STK3: variants seen among roughly 807,000 people sequenced by gnomAD.
STK3 encodes serine/threonine-protein kinase 3.
STK3 carries 41 observed loss-of-function variants against 58.0 expected under a neutral mutation model. The ratio of observed to expected loss-of-function variants is 0.71; its 90% confidence interval spans 0.55 to 0.92. The LOEUF (loss-of-function observed/expected upper bound fraction) is 0.92. STK3 is among the 40% of genes least tolerant of loss of function. The probability of loss-of-function intolerance (pLI) is 0.00; values close to 1 mark genes in which losing one functional copy is unlikely to be tolerated. For synonymous variants in STK3, 170 were observed against 191.0 expected (o/e 0.89, Z 0.91); for missense variants, 479 against 602.7 (o/e 0.79, Z 2.15).
At chr8:98,847,678 C>G (rs951415927) in intron 3 of STK3, among the ~76,000 whole-genome samples, 1 of 152,116 alleles carries the variant, frequency 6.6e-6, no homozygotes, top group African/African-American at 2.4e-5. Flanking sequence ...AAGCTTCTAC[C>G]ACAGCCAGGA....
rs6987458 is a variant in STK3 at position 98,377,980 on chromosome 8, T to G, written n.111+1173A>C. ...GACATAAGAGTAGAGGCTCTGCCCC[T>G]ACCTGCCAGGTGCCCAGTTGACTTC... On this transcript the variant is annotated intron_variant and non_coding_transcript_variant, in intron 2 of 2. Coordinates refer to the STK3 transcript ENST00000518704. Among the ~76,000 whole-genome samples the G allele has an allele frequency of 2.0e-5, 3 of 152,076 alleles. No individual in the cohort carries two copies. In the South Asian group the frequency reaches 6.2e-4, roughly 32 times the overall value.
rs140596609 is a variant in STK3, at chr8:98,417,175, G to T, written n.484-15662C>A. 2.0e-5 allele frequency among the ~76,000 whole-genome samples: 3 copies of T among 152,206 alleles called. No individual in the cohort carries two copies. The South Asian group carries it at 6.2e-4, about 32-fold the overall frequency. On this transcript the variant is annotated intron_variant and non_coding_transcript_variant, in intron 3 of 3. Coordinates refer to the STK3 transcript ENST00000517832. The stretch of plus-strand genomic sequence containing the variant: ...CAGGGAAACTTCCAGAATCCCAGGG[G>T]TGGGGGAGTGGAAGGCTGTAGAGAA...
At chr8:98,793,945 CT>C (rs1442957332) in intron 1 of STK3, among the ~76,000 whole-genome samples, 1 of 152,118 alleles carries the variant, frequency 6.6e-6, no homozygotes, top group Non-Finnish European at 1.5e-5. Flanking sequence ...TCCTGAATGA[CT>C]TTTGGGTAAA....
chr8:98,464,062 A>G (rs1044647141), intron 10 of STK3, among the ~76,000 whole-genome samples: 2 of 152,168 alleles, frequency 1.3e-5, no homozygotes, highest in Non-Finnish European at 2.9e-5. Flanking sequence ...TGCAGATGCT[A>G]CAGACCTTAT....
chr8:98,887,870 A>T (rs1158598024), intron 1 of STK3, among the ~76,000 whole-genome samples: 1 of 152,224 alleles, frequency 6.6e-6, no homozygotes. Context: ...TATGGAGAAC[A>T]CATGGCTCGA....
At position 98,525,923 on chromosome 8, in the gene STK3, T is replaced by A. The variant is rs1196786965; in HGVS notation, c.1317+819A>T. 2.0e-5 allele frequency among the ~76,000 whole-genome samples: 3 copies of A among 151,886 alleles called. No homozygotes were observed. In the East Asian group the frequency reaches 5.8e-4, roughly 29 times the overall value. ...ATATTTATATTTATCTAAAATTGTA[T>A]TTACTTATCCATACGTTTATTAATA... On this transcript the variant is annotated intron_variant, in intron 10 of 10. Coordinates refer to ENST00000419617, the MANE Select transcript of STK3 (RefSeq NM_006281.4).
chr8:98,382,704 G>A (rs775864038), intron 1 of STK3, among the ~76,000 whole-genome samples: 1 of 152,116 alleles, frequency 6.6e-6, no homozygotes, highest in Non-Finnish European at 1.5e-5. Context: ...CCTGGAAAGC[G>A]GCCTGACAGC....
At chr8:98,839,210 C>T (rs140664372) in intron 3 of STK3, among the ~76,000 whole-genome samples, 2,680 of 152,050 alleles carry the variant, frequency 0.018, 23 homozygotes, top group African/African-American at 0.033. Context: ...CTAGGCCTGA[C>T]GAATTTTTAC....
At chr8:98,368,352 T>C (rs923986701), downstream of STK3, among the ~76,000 whole-genome samples, 3 of 152,116 alleles carry the variant, frequency 2.0e-5, no homozygotes, top group Admixed American at 2.0e-4. Context: ...TTCTCAAAAG[T>C]GGGTGGGGAT....
chr8:98,718,050 G>A (rs1827147639), intron 4 of STK3, among the ~76,000 whole-genome samples: 1 of 152,156 alleles, frequency 6.6e-6, no homozygotes, highest in Non-Finnish European at 1.5e-5. Flanking sequence ...AGGGGCCGAG[G>A]TAGCACACAA....
rs1821517039 is a variant in STK3 at position 98,656,322 on chromosome 8, C to A, written c.684+50145G>T. 2.0e-5 allele frequency among the ~76,000 whole-genome samples: 3 copies of A among 151,226 alleles called. No homozygotes were observed. The South Asian group carries it at 6.3e-4, about 32-fold the overall frequency. On this transcript the variant is annotated intron_variant, in intron 6 of 10. Transcript: ENST00000419617. ...GACACAGGAAGGGGAACATCACACT[C>A]TGGGGACTGTTGTGGGGTGGGAGGT...
At chr8:98,815,725 C>A (rs1834502590) in intron 1 of STK3, among the ~76,000 whole-genome samples, 2 of 152,178 alleles carry the variant, frequency 1.3e-5, no homozygotes, top group African/African-American at 4.8e-5. Context: ...AATTCGTTAT[C>A]TTGAAAACTT....
chr8:98,698,769 C>T lies in STK3; in HGVS notation c.684+7698G>A, dbSNP rs1222628435. Among the ~76,000 whole-genome samples the T allele has an allele frequency of 3.9e-3, 598 of 152,110 alleles. 7 individuals are homozygous for T. Among genetic ancestry groups the T allele is most frequent in the African/African-American group, 0.014 (563 of 41,474 alleles). On this transcript the variant is annotated intron_variant, in intron 6 of 10. Coordinates refer to ENST00000419617, the MANE Select transcript of STK3 (RefSeq NM_006281.4). ...GATGGGCTTCCCTTTGTGGGTAACC[C>T]GACCTTTCTCTCTGGCTGCCCTTAA... is the stretch of plus-strand genomic sequence containing the variant.
chr8:98,346,081 T>A, the STK3 span, among the ~76,000 whole-genome samples: 5 of 151,740 alleles, frequency 3.3e-5, no homozygotes, highest in Non-Finnish European at 7.4e-5. Context: ...AGGTGAGGAG[T>A]TCAAGACCAG....
At chr8:98,529,144 C>A (rs544747387) in intron 9 of STK3, among the ~76,000 whole-genome samples, 5 of 152,144 alleles carry the variant, frequency 3.3e-5, no homozygotes, top group Non-Finnish European at 7.3e-5. Context: ...TTGGGACGAG[C>A]TTTAAGGTCA....
intron 1 of STK3, among the ~76,000 whole-genome samples, chr8:98,926,740 C>T (rs1169023716): frequency 2.0e-5 from 3 of 152,162 alleles, no homozygotes; most frequent in Non-Finnish European, 4.4e-5. Flanking sequence ...GGGGCCAAAG[C>T]ACATTGGGAT....
At chr8:98,403,981 C>T (rs1045224600) in intron 3 of STK3, among the ~76,000 whole-genome samples, 1 of 152,202 alleles carries the variant, frequency 6.6e-6, no homozygotes, top group Non-Finnish European at 1.5e-5. Flanking sequence ...TGGTTGAACT[C>T]ACACTGCATA....
At chr8:98,843,918 T>G (rs1776744576) in intron 3 of STK3, among the ~76,000 whole-genome samples, 2 of 152,284 alleles carry the variant, frequency 1.3e-5, no homozygotes, top group South Asian at 4.1e-4. Context: ...TCCAGCGCTT[T>G]GGGAGGCCGA....
intron 7 of STK3, among the ~76,000 whole-genome samples, chr8:98,584,161 A>G (rs1249181223): frequency 2.6e-5 from 4 of 151,542 alleles, no homozygotes; most frequent in Non-Finnish European, 5.9e-5. Context: ...GGTTAGTTAC[A>G]TATCTATACA....
Sources: allele counts gnomAD v4.1 joint callset (sites outside exome capture counted in the v4.1 genomes callset), GRCh38; gene constraint gnomAD v4.1.1; transcripts MANE v1.5; gene names NCBI Gene and HGNC (gene_info 2026-07-23, HGNC 2026-07-21).